Variants in DOCK5 observed in about 807,000 individuals in gnomAD.
DOCK5 encodes dedicator of cytokinesis 5.
Under a neutral mutation model 251.8 loss-of-function variants are expected in DOCK5, and 142 were observed. The observed-to-expected ratio is 0.56, with a 90% CI of 0.49 to 0.65. The LOEUF (loss-of-function observed/expected upper bound fraction) is 0.65. Ranked by LOEUF, DOCK5 falls within the 30% of genes least tolerant of loss-of-function variation. DOCK5 has a pLI of 0.00. For missense variants in DOCK5, 2,111 were observed against 2,312.3 expected (o/e 0.91, Z 1.79); for synonymous variants, 842 against 835.5 (o/e 1.01, Z -0.13).
intron 18 of DOCK5, among the ~76,000 whole-genome samples, chr8:25,331,109 A>G (rs1805671496): frequency 6.6e-6 from 1 of 152,208 alleles, no homozygotes; most frequent in South Asian, 2.1e-4. Context: ...CTTGTCTCTC[A>G]AAGAAAAAAA....
intron 5 of DOCK5, among the ~76,000 whole-genome samples, chr8:25,286,614 G>C (rs984305548): frequency 1.4e-4 from 21 of 151,602 alleles, no homozygotes; most frequent in African/African-American, 4.9e-4. Flanking sequence ...AATGGTAGAA[G>C]ACCAGAGAAA....
chr8:25,256,167 G>A (rs959626539), intron 2 of DOCK5, among the ~76,000 whole-genome samples: 1 of 152,176 alleles, frequency 6.6e-6, no homozygotes, highest in East Asian at 1.9e-4. Context: ...TGTTCCTAAT[G>A]TTTGTCATGC....
chr8:25,196,428 G>A (rs1485157608), intron 1 of DOCK5, among the ~76,000 whole-genome samples: 1 of 152,156 alleles, frequency 6.6e-6, no homozygotes. Context: ...CTTACAAAAA[G>A]AGCATATGTA....
Position 25,310,500 on chromosome 8 carries a change from G to A in DOCK5, c.1286G>A (p.Arg429Gln), listed in dbSNP as rs146574972. The A allele has an allele frequency of 1.2e-5, 19 of 1,612,708 alleles. No homozygotes were observed. The highest frequency in any genetic ancestry group is 1.7e-4 in the Middle Eastern group (1 of 6,056). Residue 429 changes from arginine (R) to glutamine (Q), a missense_variant, in exon 13 of 52, where the codon CGG (arginine) becomes CAG (glutamine). Physicochemically the swap from Arg to Gln is conservative, Grantham distance 43. Coordinates refer to ENST00000276440, the MANE Select transcript of DOCK5 (RefSeq NM_024940.8). ...GTTGATAGATCAACAGCAATAGCCC[G>A]GAAGATGGGCTTTCCTGAAATCATA... Reference protein sequence around the residue: ...HLVDRSTAIARKMGFPEIILP... With the variant: ...HLVDRSTAIAQKMGFPEIILP...
intron 2 of DOCK5, among the ~76,000 whole-genome samples, chr8:25,250,941 C>T (rs2117561140): frequency 6.6e-6 from 1 of 152,244 alleles, no homozygotes; most frequent in East Asian, 1.9e-4. Context: ...AAATTGGAGT[C>T]ACTTTTTGAG....
At chr8:25,277,635 G>T (rs769772772) in intron 4 of DOCK5, among the ~76,000 whole-genome samples, 4 of 152,126 alleles carry the variant, frequency 2.6e-5, no homozygotes, top group Non-Finnish European at 5.9e-5. Flanking sequence ...TCCTCTTTCC[G>T]GTGGGCCGTG....
chr8:25,302,088 T>C (rs2117168242), intron 9 of DOCK5, among the ~76,000 whole-genome samples: 1 of 152,328 alleles, frequency 6.6e-6, no homozygotes, highest in South Asian at 2.1e-4. Flanking sequence ...ATCTGATTTG[T>C]AAATTTGAAG....
intron 28 of DOCK5, among the ~76,000 whole-genome samples, chr8:25,359,678 C>T (rs1800641851): frequency 6.6e-6 from 1 of 152,206 alleles, no homozygotes; most frequent in Non-Finnish European, 1.5e-5. Flanking sequence ...ATGTGAATCT[C>T]ACTAATGCCT....
intron 30 of DOCK5, among the ~76,000 whole-genome samples, chr8:25,366,487 AAAC>A (rs910811172): frequency 2.0e-5 from 3 of 152,314 alleles, no homozygotes; most frequent in South Asian, 2.1e-4. Context: ...ACTCTGGATC[AAAC>A]AACAACAACA....
intron 18 of DOCK5, among the ~76,000 whole-genome samples, chr8:25,325,949 A>G (rs772660448): frequency 1.2e-4 from 19 of 152,098 alleles, no homozygotes; most frequent in Non-Finnish European, 2.5e-4. Context: ...CCAAACAGGT[A>G]TGGCAGGGCT....
intron 40 of DOCK5, among the ~76,000 whole-genome samples, chr8:25,387,157 C>T (rs1162096079): frequency 6.6e-6 from 1 of 151,462 alleles, no homozygotes; most frequent in Non-Finnish European, 1.5e-5. Flanking sequence ...TCAGGGGTAC[C>T]ACTGTTCTTC....
intron 28 of DOCK5, among the ~76,000 whole-genome samples, chr8:25,362,462 CTT>C (rs869096662): frequency 1.2e-3 from 65 of 54,626 alleles, no homozygotes; most frequent in African/African-American, 2.2e-3. Context: ...CTTTTCTTTT[CTT>C]TTTTTTTTTT....
intron 2 of DOCK5, among the ~76,000 whole-genome samples, chr8:25,261,334 T>C (rs776895949): frequency 1.1e-4 from 17 of 152,240 alleles, no homozygotes; most frequent in Admixed American, 2.6e-4. Flanking sequence ...CAATCTGCAG[T>C]TGAACTTCTG....
intron 46 of DOCK5, among the ~76,000 whole-genome samples, chr8:25,400,500 A>AAAAAAAAAAG: frequency 6.6e-6 from 1 of 151,064 alleles, no homozygotes; most frequent in Non-Finnish European, 1.5e-5. Context: ...TCCATCTCAA[A>AAAAAAAAAAG]AAAAAAAAAA....
chr8:25,330,606 T>G (rs1012031605), intron 18 of DOCK5, among the ~76,000 whole-genome samples: 5 of 152,162 alleles, frequency 3.3e-5, no homozygotes, highest in Admixed American at 3.3e-4. Flanking sequence ...GGGGCCTTAT[T>G]ACATTCTCTA....
rs114393504 is a variant in DOCK5, at chr8:25,235,094, C to T, written c.44-8580C>T. Among the ~76,000 whole-genome samples, 231 of 152,240 alleles carry T rather than the reference C, an allele frequency of 1.5e-3. 1 individual carries two copies. Among genetic ancestry groups the T allele is most frequent in the African/African-American group, 5.4e-3 (225 of 41,526 alleles). On this transcript the variant is annotated intron_variant, in intron 1 of 51. Transcript: ENST00000276440. The stretch of plus-strand genomic sequence containing the variant: ...TGCCAGGTGTTAGTCATCATTCTGG[C>T]CCTGCACAAATTCTCCTTTTTGGGC...
chr8:25,333,079 C>T (rs1439842803), intron 20 of DOCK5, among the ~76,000 whole-genome samples: 2 of 152,144 alleles, frequency 1.3e-5, no homozygotes, highest in Non-Finnish European at 2.9e-5. Context: ...GAATCTGAGC[C>T]TCATTAGGCA....
intron 45 of DOCK5, among the ~76,000 whole-genome samples, chr8:25,398,703 G>GCACTTCTGTCTCCAAATTTCCCCTT (rs2117331575): frequency 6.6e-6 from 1 of 152,204 alleles, no homozygotes; most frequent in East Asian, 1.9e-4. Context: ...CCCAGTGTTT[G>GCACTTCTGTCTCCAAATTTCCCCTT]CACTTCTGTC....
intron 1 of DOCK5, among the ~76,000 whole-genome samples, chr8:25,241,583 A>T (rs1405521348): frequency 1.3e-5 from 2 of 152,218 alleles, no homozygotes; most frequent in African/African-American, 4.8e-5. Context: ...TCATTGTGGA[A>T]AACAGTGTGG....
Sources: allele counts gnomAD v4.1 joint callset (sites outside exome capture counted in the v4.1 genomes callset), GRCh38; gene constraint gnomAD v4.1.1; transcripts MANE v1.5; gene names NCBI Gene and HGNC (gene_info 2026-07-23, HGNC 2026-07-21).